SLC25A17: variants seen among roughly 807,000 people sequenced by gnomAD.
The protein encoded by SLC25A17 is peroxisomal membrane protein PMP34.
Under a neutral mutation model 38.5 loss-of-function variants are expected in SLC25A17, and 26 were observed. The observed-to-expected ratio is 0.68, with a 90% confidence interval of 0.50 to 0.94. SLC25A17 has a LOEUF of 0.94. Among genes scored for constraint, SLC25A17 ranks in the 40% least tolerant of loss-of-function variants. SLC25A17 has a pLI of 0.00. For synonymous variants in SLC25A17, 139 were observed against 136.2 expected, an observed-to-expected ratio of 1.02 and a Z score of -0.14; for missense variants, 333 against 372.7, an observed-to-expected ratio of 0.89 and a Z score of 0.88.
chr22:40,810,234 G>A (rs1321563296), intron 1 of SLC25A17, among the ~76,000 whole-genome samples: 1 of 152,040 alleles, frequency 6.6e-6, no homozygotes, highest in South Asian at 2.1e-4. Context: ...CTATCTTTTA[G>A]TGCATTAATT....
At chr22:40,816,477 C>T (rs533115832) in intron 1 of SLC25A17, among the ~76,000 whole-genome samples, 19 of 152,106 alleles carry the variant, frequency 1.2e-4, no homozygotes, top group Admixed American at 2.6e-4. Flanking sequence ...GCTGTGACAA[C>T]GGTACACAAA....
At chr22:40,816,231 A>G (rs2057638480) in intron 1 of SLC25A17, among the ~76,000 whole-genome samples, 1 of 151,984 alleles carries the variant, frequency 6.6e-6, no homozygotes, top group African/African-American at 2.4e-5. Context: ...AAAGAAAAAG[A>G]AAAAAAGAGA....
At chr22:40,796,795 C>G (rs530697148) in intron 2 of SLC25A17, among the ~76,000 whole-genome samples, 6 of 151,958 alleles carry the variant, frequency 3.9e-5, no homozygotes, top group African/African-American at 1.5e-4. Flanking sequence ...TGGAAACAAC[C>G]CCAGAATCTA....
intron 1 of SLC25A17, among the ~76,000 whole-genome samples, chr22:40,809,176 T>A (rs1161373623): frequency 6.6e-6 from 1 of 152,110 alleles, no homozygotes; most frequent in Non-Finnish European, 1.5e-5. Flanking sequence ...GCTAATGTAT[T>A]TTTAATGATT....
intron 3 of SLC25A17, among the ~76,000 whole-genome samples, chr22:40,793,913 C>T (rs946421683): frequency 1.3e-5 from 2 of 152,254 alleles, no homozygotes; most frequent in African/African-American, 4.8e-5. Flanking sequence ...TTAAAAGTGT[C>T]AGTGTCATGG....
chr22:40,816,559 G>A (rs1473110885), intron 1 of SLC25A17, among the ~76,000 whole-genome samples: 1 of 150,050 alleles, frequency 6.7e-6, no homozygotes. Context: ...GCACTTAACT[G>A]TATCTAAAAT....
intron 4 of SLC25A17, among the ~76,000 whole-genome samples, chr22:40,790,109 G>A (rs1201265940): frequency 1.3e-5 from 2 of 151,736 alleles, no homozygotes; most frequent in Admixed American, 1.3e-4. Context: ...GGAGGCCGAG[G>A]CAGGCAGATC....
chr22:40,815,419 A>C (rs1173584597), intron 1 of SLC25A17, among the ~76,000 whole-genome samples: 1 of 152,214 alleles, frequency 6.6e-6, no homozygotes, highest in Non-Finnish European at 1.5e-5. Flanking sequence ...ACACGAGTAC[A>C]ACTGTAATTG....
At chr22:40,801,828 T>A (rs1472377644) in intron 1 of SLC25A17, among the ~76,000 whole-genome samples, 1 of 152,200 alleles carries the variant, frequency 6.6e-6, no homozygotes, top group African/African-American at 2.4e-5. Flanking sequence ...CTTGCTCTTG[T>A]TGCCCAGACT....
intron 5 of SLC25A17, among the ~76,000 whole-genome samples, 181 bp from the exon 6 acceptor site, chr22:40,777,554 C>G (rs1024623893): frequency 1.3e-5 from 2 of 152,080 alleles, no homozygotes; most frequent in African/African-American, 4.8e-5. Context: ...GAGGCCGAGG[C>G]GGGTGGATCA....
rs2057171630 is a variant in SLC25A17 at position 40,770,608 on chromosome 22, T to A, written c.*226A>T. ...TTTTTAGGTTTTCAGCAATGTTTTT[T>A]TCACATTAGTCCAACTGCCACCCCA... On this transcript the variant is annotated 3_prime_UTR_variant, in exon 9 of 9. Transcript: ENST00000435456. 2.8e-6 allele frequency: 1 copy of A among 359,054 alleles called. No homozygotes were observed. Among genetic ancestry groups the A allele is most frequent in the East Asian group, 4.2e-5 (1 of 23,790 alleles). 22.2% of individuals were successfully genotyped at this position (359,054 alleles called of 1,614,324 possible). A position where few individuals can be genotyped will look rare whatever the true frequency, so the allele number is the denominator to read the frequency against.
At chr22:40,810,006 T>A (rs1277248167) in intron 1 of SLC25A17, among the ~76,000 whole-genome samples, 2 of 152,198 alleles carry the variant, frequency 1.3e-5, no homozygotes, top group South Asian at 2.1e-4. Flanking sequence ...AGGGTTTTTT[T>A]AAAATGATGG....
chr22:40,810,485 T>C (rs939180645), intron 1 of SLC25A17, among the ~76,000 whole-genome samples: 1 of 151,852 alleles, frequency 6.6e-6, no homozygotes, highest in African/African-American at 2.4e-5. Context: ...GTAGCTGGGA[T>C]TACAGGCATG....
intron 2 of SLC25A17, among the ~76,000 whole-genome samples, chr22:40,797,844 C>T (rs1243514905): frequency 2.0e-5 from 3 of 152,198 alleles, no homozygotes; most frequent in Non-Finnish European, 2.9e-5. Context: ...GCCCTTCCTC[C>T]GCAGCCAACA....
chr22:40,790,815 ATAAAC>A (rs2057379079), intron 4 of SLC25A17, among the ~76,000 whole-genome samples: 1 of 152,242 alleles, frequency 6.6e-6, no homozygotes, highest in Admixed American at 6.5e-5. Context: ...GCAAATACAT[ATAAAC>A]TAATCTAAAA....
Position 40,771,000 on chromosome 22 carries a change from G to A in SLC25A17, c.777-19C>T. On this transcript the variant is annotated intron_variant, in intron 8 of 8. Transcript: ENST00000435456. ...AAAACGTCTAAAGGGAAAGAGGTTT[G>A]AAAAAACAGAAGTCAGCTCCTGCAT... 1 of 1,526,890 alleles carries A rather than the reference G, an allele frequency of 6.5e-7. No homozygotes were observed. Among genetic ancestry groups the A allele is most frequent in the Non-Finnish European group, 8.9e-7 (1 of 1,129,522 alleles). The allele number at this position is 1,526,890 out of a possible 1,614,324, so 94.6% of individuals were successfully genotyped here.
chr22:40,813,001 A>T (rs1443312421), intron 1 of SLC25A17, among the ~76,000 whole-genome samples: 2 of 152,186 alleles, frequency 1.3e-5, no homozygotes, highest in African/African-American at 4.8e-5. Flanking sequence ...ACCTCATCAG[A>T]GTTAATGTAA....
chr22:40,788,687 T>A (rs1382573567), intron 4 of SLC25A17: 1 of 200,266 alleles, frequency 5.0e-6, no homozygotes, highest in African/African-American at 2.4e-5. Context: ...CGAGACTCCA[T>A]CTCAAAAACT....
Position 40,792,505 on chromosome 22 carries a change from T to C in SLC25A17, c.334+20A>G. 2 of 1,570,118 alleles carry C rather than the reference T, an allele frequency of 1.3e-6. No homozygotes were observed. The highest frequency in any genetic ancestry group is 2.3e-5 in the South Asian group (2 of 85,580). On this transcript the variant is annotated intron_variant, in intron 4 of 8. Transcript: ENST00000435456. ...ACAAGGTAAATATAAAAACATTTTA[T>C]ACCCAGAAAACCTTGTTACCTGCAA...
Sources: allele counts gnomAD v4.1 joint callset (sites outside exome capture counted in the v4.1 genomes callset), GRCh38; gene constraint gnomAD v4.1.1; transcripts MANE v1.5; gene names NCBI Gene and HGNC (gene_info 2026-07-23, HGNC 2026-07-21).